Variants in TGFB2 observed in about 807,000 individuals in gnomAD.
TGFB2 encodes the protein transforming growth factor beta 2, also known as transforming growth factor beta-2 proprotein.
In TGFB2, 13 loss-of-function variants were observed where a neutral mutation model predicts 42.7. The observed-to-expected ratio is 0.30, with a 90% CI of 0.20 to 0.48. The LOEUF is 0.48. TGFB2 is among the 20% of genes least tolerant of loss of function. The pLI is 0.99. For missense variants in TGFB2, 390 were observed against 517.5 expected, an observed-to-expected ratio of 0.75 and a Z score of 2.39; for synonymous variants, 193 against 193.6, an observed-to-expected ratio of 1.00 and a Z score of 0.03.
intron 6 of TGFB2, among the ~76,000 whole-genome samples, chr1:218,438,104 A>G (rs1215767697): frequency 6.6e-6 from 1 of 152,158 alleles, no homozygotes; most frequent in Non-Finnish European, 1.5e-5. Flanking sequence ...GTATTTTCAT[A>G]CCTATTAATC....
chr1:218,418,845 A>G (rs1007949815), intron 2 of TGFB2, among the ~76,000 whole-genome samples: 2 of 152,202 alleles, frequency 1.3e-5, no homozygotes, highest in Non-Finnish European at 2.9e-5. Context: ...GCTGCCATGC[A>G]CTTAAGATGT....
rs6667585 is a variant in TGFB2 at position 218,374,540 on chromosome 1, C to T, written c.346+27493C>T. Among the ~76,000 whole-genome samples the T allele has an allele frequency of 2.0e-3, 301 of 152,316 alleles. 1 individual carries two copies. Among genetic ancestry groups the T allele is most frequent in the African/African-American group, 6.8e-3 (281 of 41,568 alleles). On this transcript the variant is annotated intron_variant, in intron 1 of 6. Transcript: ENST00000366930. ...CCTACCAGAAGCAGTTCTCTGTACA[C>T]TAAACATAGCAATATTAGTAGGCTT... is the stretch of plus-strand genomic sequence containing the variant.
Position 218,405,153 on chromosome 1 carries a change from C to G in TGFB2, c.347-16C>G, listed in dbSNP as rs1158714199. 1 of 1,559,664 alleles carries G rather than the reference C, an allele frequency of 6.4e-7. No homozygotes were observed. Among genetic ancestry groups the G allele is most frequent in the East Asian group, 2.3e-5 (1 of 44,196 alleles). On this transcript the variant is annotated splice_polypyrimidine_tract_variant and intron_variant, in intron 1 of 6. Transcript: ENST00000366930. The stretch of plus-strand genomic sequence containing the variant: ...TGGATTTTATCATTTTCAATGATTG[C>G]CCTAATTTTTTACAGATGCCATCCC...
At chr1:218,351,990 A>G (rs1171990935) in intron 1 of TGFB2, among the ~76,000 whole-genome samples, 2 of 152,194 alleles carry the variant, frequency 1.3e-5, no homozygotes, top group Non-Finnish European at 2.9e-5. Flanking sequence ...AACACACTTT[A>G]GGCTGCATAT....
intron 1 of TGFB2, among the ~76,000 whole-genome samples, chr1:218,398,568 T>C (rs1658602638): frequency 6.6e-6 from 1 of 151,522 alleles, no homozygotes. Flanking sequence ...TTATTTTATT[T>C]TATTTTATTT....
At chr1:218,418,896 C>T (rs1659366276) in intron 2 of TGFB2, among the ~76,000 whole-genome samples, 1 of 152,146 alleles carries the variant, frequency 6.6e-6, no homozygotes, top group Non-Finnish European at 1.5e-5. Context: ...TGTGAGGCCT[C>T]CTCAGCCAAG....
chr1:218,400,451 C>A (rs1478848367), intron 1 of TGFB2, among the ~76,000 whole-genome samples: 4 of 152,038 alleles, frequency 2.6e-5, no homozygotes, highest in Admixed American at 2.0e-4. Context: ...CCAGCAGCTG[C>A]TGGGGTCCCC....
chr1:218,407,530 G>A (rs1270921036), intron 2 of TGFB2, among the ~76,000 whole-genome samples: 1 of 152,186 alleles, frequency 6.6e-6, no homozygotes, highest in Non-Finnish European at 1.5e-5. Flanking sequence ...GTCGCCCCAA[G>A]GTCAGAGAGC....
chr1:218,414,901 G>A (rs1398891087), intron 2 of TGFB2, among the ~76,000 whole-genome samples: 1 of 152,186 alleles, frequency 6.6e-6, no homozygotes, highest in Non-Finnish European at 1.5e-5. Context: ...AGGCCAGGCA[G>A]GTAGGAAGAA....
At chr1:218,388,297 G>C (rs1487106035) in intron 1 of TGFB2, among the ~76,000 whole-genome samples, 5 of 152,192 alleles carry the variant, frequency 3.3e-5, no homozygotes, top group African/African-American at 9.7e-5. Context: ...CCTGCGTCAG[G>C]CCATCCTGAG....
intron 2 of TGFB2, among the ~76,000 whole-genome samples, chr1:218,416,470 C>A (rs887668306): frequency 6.6e-6 from 1 of 152,132 alleles, no homozygotes; most frequent in African/African-American, 2.4e-5. Context: ...CTTGAGAATT[C>A]CCCAAAGGAG....
chr1:218,405,041 A>T, intron 1 of TGFB2, 128 bp from the exon 2 acceptor site: 1 of 1,057,544 alleles, frequency 9.5e-7, no homozygotes, highest in Non-Finnish European at 1.4e-6. Context: ...TAATGGTATT[A>T]AACTGGCCGT....
At chr1:218,437,921 G>A (rs187190775) in intron 6 of TGFB2, among the ~76,000 whole-genome samples, 1 of 152,202 alleles carries the variant, frequency 6.6e-6, no homozygotes, top group East Asian at 1.9e-4. Flanking sequence ...AATGTGTAAT[G>A]ATGAAATCAG....
At chr1:218,377,958 G>GTGTTTGTTTGTT (rs67890412) in intron 1 of TGFB2, among the ~76,000 whole-genome samples, 2 of 149,160 alleles carry the variant, frequency 1.3e-5, no homozygotes, top group African/African-American at 5.1e-5. Flanking sequence ...ATATTATAGT[G>GTGTTTGTTTGTT]TGTTTGTTTG....
intron 1 of TGFB2, among the ~76,000 whole-genome samples, chr1:218,398,848 G>A (rs1159740405): frequency 6.6e-6 from 1 of 152,138 alleles, no homozygotes; most frequent in African/African-American, 2.4e-5. Context: ...GCCTCCCACA[G>A]TGGTGGGATT....
intron 1 of TGFB2, among the ~76,000 whole-genome samples, chr1:218,396,994 G>A (rs1658533727): frequency 6.6e-6 from 1 of 152,148 alleles, no homozygotes; most frequent in Non-Finnish European, 1.5e-5. Context: ...TGAGCCAGGT[G>A]CAGTGGCTCA....
At chr1:218,377,753 A>G (rs1657791776) in intron 1 of TGFB2, among the ~76,000 whole-genome samples, 1 of 151,462 alleles carries the variant, frequency 6.6e-6, no homozygotes, top group Non-Finnish European at 1.5e-5. Flanking sequence ...AACTCTGCCC[A>G]GTTTCATGCA....
intron 2 of TGFB2, among the ~76,000 whole-genome samples, chr1:218,428,248 G>A (rs565467394): frequency 6.6e-6 from 1 of 152,284 alleles, no homozygotes; most frequent in African/African-American, 2.4e-5. Context: ...TTTGTCAGAT[G>A]GGTAGATTGC....
Position 218,425,850 on chromosome 1 carries a change from A to C in TGFB2, c.511-8232A>C, listed in dbSNP as rs142289429. On this transcript the variant is annotated intron_variant, in intron 2 of 6. Coordinates refer to ENST00000366930, the MANE Select transcript of TGFB2 (RefSeq NM_003238.6). ...GGTTTCAAAGTGCCTTGCCAATGCCAGTATTTCATAATGCTGAAGTGAATG... is the reference window on the plus strand; with the variant it reads ...GGTTTCAAAGTGCCTTGCCAATGCCCGTATTTCATAATGCTGAAGTGAATG... Among the ~76,000 whole-genome samples, 711 of 152,344 alleles carry C rather than the reference A, an allele frequency of 4.7e-3. 12 individuals are homozygous for C. The highest frequency in any genetic ancestry group is 0.016 in the African/African-American group (683 of 41,586).
Sources: allele counts gnomAD v4.1 joint callset (sites outside exome capture counted in the v4.1 genomes callset), GRCh38; gene constraint gnomAD v4.1.1; transcripts MANE v1.5; gene names NCBI Gene and HGNC (gene_info 2026-07-23, HGNC 2026-07-21).